PCLO: variants seen among roughly 807,000 people sequenced by gnomAD.
The protein encoded by PCLO is protein piccolo.
A neutral mutation model predicts 427.5 loss-of-function variants in PCLO; 82 were observed. The observed-to-expected ratio is 0.19, with a 90% CI of 0.16 to 0.23. The LOEUF is 0.23. Ranked by LOEUF, PCLO falls within the 10% of genes least tolerant of loss-of-function variation. PCLO has a pLI of 1.00. For synonymous variants in PCLO, 2,357 were observed against 2,155.4 expected, an observed-to-expected ratio of 1.09 and a Z score of -2.59; for missense variants, 6,239 against 6,115.9, an observed-to-expected ratio of 1.02 and a Z score of -0.67.
Position 82,826,671 on chromosome 7 carries a change from C to T in PCLO, c.14344-11G>A, listed in dbSNP as rs552400969. ...TGTTTTCTTCTTGAGCTATATAGTT[C>T]AAATAGAAATCTAATTAAACCTATC... On this transcript the variant is annotated splice_polypyrimidine_tract_variant and intron_variant, in intron 17 of 24. Transcript: ENST00000333891. 108 of 1,531,236 alleles carry T rather than the reference C, an allele frequency of 7.1e-5. 2 individuals are homozygous for T. In the South Asian group the frequency reaches 1.2e-3, roughly 18 times the overall value. The allele number at this position is 1,531,236 out of a possible 1,614,324, so 94.9% of individuals were successfully genotyped here.
At position 82,824,296 on chromosome 7, in the gene PCLO, A is replaced by C. The variant is rs1276874545; in HGVS notation, c.14536T>G (p.Ser4846Ala). The change falls in exon 19 of 25, where the codon TCC becomes GCC. Residue 4846 changes from serine (S) to alanine (A), a missense_variant. Around this residue, in one of 5 missense-constraint regions of PCLO, gnomAD observed 877 missense variants for 925.5 expected, o/e 0.95. Coordinates refer to ENST00000333891, the MANE Select transcript of PCLO (RefSeq NM_033026.6). ...KSHSSQSSQQ[S>A]PKPSVIKSRS... Reference sequence around the variant, plus strand: ...CTTTTGATAACAGATGGCTTTGGGGACTGCTGGCTGCTCTGACTGGAATGA... The same window carrying C: ...CTTTTGATAACAGATGGCTTTGGGGCCTGCTGGCTGCTCTGACTGGAATGA... 2 of 1,613,566 alleles carry C rather than the reference A, an allele frequency of 1.2e-6. No homozygotes were observed. The highest frequency in any genetic ancestry group is 1.7e-5 in the Admixed American group (1 of 59,972).
intron 24 of PCLO, 89 bp downstream of exon 24, chr7:82,760,550 G>T: frequency 2.6e-6 from 2 of 778,584 alleles, no homozygotes; most frequent in South Asian, 2.6e-5. Flanking sequence ...TATAGTGTAT[G>T]ATCAGTATAT....
intron 2 of PCLO, among the ~76,000 whole-genome samples, chr7:83,138,008 A>G (rs1250823064): frequency 1.2e-4 from 19 of 152,072 alleles, no homozygotes; most frequent in Admixed American, 1.2e-3. Context: ...CATATCCCCT[A>G]TTATCAATGT....
chr7:82,931,923 G>A (rs1327400016), intron 6 of PCLO, among the ~76,000 whole-genome samples: 6 of 152,088 alleles, frequency 3.9e-5, no homozygotes, highest in Non-Finnish European at 7.4e-5. Context: ...AACATGAATT[G>A]ATTTTATGAT....
chr7:82,845,526 A>G (rs756177805), intron 12 of PCLO, 41 bp from the exon 13 acceptor site: 1 of 1,348,810 alleles, frequency 7.4e-7, no homozygotes. Context: ...TCTCCATTTC[A>G]TAGGTACTTT....
chr7:82,956,649 T>G lies in PCLO; in HGVS notation c.4304A>C (p.Lys1435Thr), dbSNP rs766758818. The change falls in exon 5 of 25, where the codon AAA (lysine) becomes ACA (threonine). Residue 1435 changes from lysine to threonine, a missense_variant. Around this residue, in one of 5 missense-constraint regions of PCLO, gnomAD observed 4,677 missense variants for 4,468.4 expected, o/e 1.05. Transcript: ENST00000333891. ...STLADEKSEK[K>T]TQPHEVSPEQ... ...AGGAGAAACTTCATGGGGTTGTGTT[T>G]TCTTTTCTGACTTTTCATCAGCAAG... 6 of 1,613,960 alleles carry G rather than the reference T, an allele frequency of 3.7e-6. No individual in the cohort carries two copies. In the South Asian group the frequency reaches 6.6e-5, roughly 18 times the overall value.
At chr7:82,822,109 G>A (rs202127641) in intron 20 of PCLO, 2 of 818,470 alleles carry the variant, frequency 2.4e-6, no homozygotes, top group African/African-American at 2.2e-5. Flanking sequence ...TTTTTTTTTT[G>A]GTATAAGTCC....
intron 22 of PCLO, among the ~76,000 whole-genome samples, chr7:82,799,256 C>T (rs1791291925): frequency 6.6e-6 from 1 of 152,088 alleles, no homozygotes; most frequent in South Asian, 2.1e-4. Flanking sequence ...ATTTGTTATT[C>T]ATTTGCTCAA....
intron 3 of PCLO, among the ~76,000 whole-genome samples, chr7:83,076,385 C>A (rs1413547181): frequency 1.3e-5 from 2 of 151,956 alleles, no homozygotes; most frequent in African/African-American, 4.8e-5. Context: ...GCCTCAGCCT[C>A]CCAAGTAGCT....
intron 3 of PCLO, among the ~76,000 whole-genome samples, chr7:82,967,960 A>T (rs1795816969): frequency 6.6e-6 from 1 of 152,062 alleles, no homozygotes; most frequent in South Asian, 2.1e-4. Context: ...ATGCTGGCTC[A>T]CTCTTTCTAG....
chr7:83,130,572 T>A (rs1009096098), intron 3 of PCLO, among the ~76,000 whole-genome samples: 7 of 152,244 alleles, frequency 4.6e-5, no homozygotes, highest in Admixed American at 2.0e-4. Context: ...GCCTTTAATT[T>A]CTTTTGTGTG....
At position 82,902,919 on chromosome 7, in the gene PCLO, G is replaced by A. The variant is rs1562847098; in HGVS notation, c.13438-178C>T. 5.3e-5 allele frequency among the ~76,000 whole-genome samples: 8 copies of A among 152,098 alleles called. No individual in the cohort carries two copies. The South Asian group carries it at 1.7e-3, about 32-fold the overall frequency. On this transcript the variant is annotated intron_variant, in intron 8 of 24. Transcript: ENST00000333891. ...CTAACACTATATAATGATATTACTG[G>A]TTCTGAGTTCTTATGGTGTTTGCAT...
intron 2 of PCLO, among the ~76,000 whole-genome samples, chr7:83,150,609 G>GTCCTTCCT (rs150134046): frequency 7.0e-4 from 106 of 151,676 alleles, no homozygotes; most frequent in African/African-American, 1.4e-3. Context: ...TAATTATCTA[G>GTCCTTCCT]TCCTTCCTTC....
At chr7:82,926,657 C>T (rs181821758) in intron 6 of PCLO, among the ~76,000 whole-genome samples, 9 of 152,240 alleles carry the variant, frequency 5.9e-5, no homozygotes, top group Admixed American at 4.6e-4. Flanking sequence ...AAAGTCATTG[C>T]TCTTGGGCTG....
At chr7:83,023,549 T>TA (rs1416416680) in intron 3 of PCLO, among the ~76,000 whole-genome samples, 1 of 152,150 alleles carries the variant, frequency 6.6e-6, no homozygotes, top group East Asian at 1.9e-4. Flanking sequence ...GATAGTTACA[T>TA]AAAAAATTCA....
At chr7:82,888,082 A>G (rs189631035) in intron 9 of PCLO, among the ~76,000 whole-genome samples, 19 of 151,826 alleles carry the variant, frequency 1.3e-4, no homozygotes, top group South Asian at 4.1e-4. Context: ...AACAAAAAAA[A>G]AAAGAAAGAA....
At chr7:83,031,962 T>C (rs1788680522) in intron 3 of PCLO, among the ~76,000 whole-genome samples, 1 of 152,122 alleles carries the variant, frequency 6.6e-6, no homozygotes, top group African/African-American at 2.4e-5. Context: ...CTCCTAGGCA[T>C]TTTAGGATTG....
chr7:82,964,225 A>G (rs1346377205), intron 4 of PCLO, among the ~76,000 whole-genome samples: 1 of 152,180 alleles, frequency 6.6e-6, no homozygotes, highest in East Asian at 1.9e-4. Context: ...ATTGTGGAGA[A>G]CAAAGGACAG....
intron 9 of PCLO, among the ~76,000 whole-genome samples, chr7:82,900,913 C>T (rs910726276): frequency 6.6e-6 from 1 of 151,716 alleles, no homozygotes; most frequent in Non-Finnish European, 1.5e-5. Context: ...AAAAAGTCCA[C>T]CATTAGCTTT....
Sources: gnomAD v4.1 joint callset for allele counts (sites outside exome capture counted in the v4.1 genomes callset) on GRCh38, gnomAD v4.1.1 for gene constraint, gnomAD v4.1.1 regional missense constraint, MANE v1.5 for transcripts, NCBI Gene and HGNC (gene_info 2026-07-23, HGNC 2026-07-21) for gene names.